Variants in KIAA1217 observed in about 807,000 individuals in gnomAD.
KIAA1217 encodes the protein sickle tail protein homolog.
A neutral mutation model predicts 163.9 loss-of-function variants in KIAA1217; 88 were observed. The observed-to-expected ratio is 0.54, with a 90% CI of 0.45 to 0.64. The LOEUF is 0.64. KIAA1217 is among the 30% of genes least tolerant of loss of function. The pLI, the probability that KIAA1217 is intolerant of heterozygous loss-of-function variation, is 0.00. For missense variants in KIAA1217, 2,372 were observed against 2,475.0 expected (o/e 0.96, Z 0.88); for synonymous variants, 903 against 923.1 (o/e 0.98, Z 0.39).
intron 2 of KIAA1217, among the ~76,000 whole-genome samples, chr10:24,087,155 G>T (rs1398416938): frequency 3.3e-5 from 5 of 152,208 alleles, no homozygotes; most frequent in African/African-American, 1.2e-4. Context: ...GTGAGATTTA[G>T]TTGGACTCAG....
intron 6 of KIAA1217, among the ~76,000 whole-genome samples, chr10:24,483,404 C>T (rs796118841): frequency 2.6e-5 from 4 of 152,138 alleles, no homozygotes; most frequent in African/African-American, 9.7e-5. Context: ...AGAGTGACCC[C>T]GTTAAAACGT....
At chr10:24,409,805 T>TC (rs1423558088) in intron 3 of KIAA1217, among the ~76,000 whole-genome samples, 3 of 152,084 alleles carry the variant, frequency 2.0e-5, no homozygotes, top group Non-Finnish European at 4.4e-5. Flanking sequence ...CTTTAAGTCC[T>TC]CATAGCTCAG....
chr10:24,363,523 T>A (rs540762406), intron 2 of KIAA1217, among the ~76,000 whole-genome samples: 2 of 151,974 alleles, frequency 1.3e-5, no homozygotes, highest in Non-Finnish European at 2.9e-5. Context: ...AGTCTTCCTG[T>A]TTTCTCAGTA....
intron 1 of KIAA1217, among the ~76,000 whole-genome samples, chr10:23,818,931 G>A (rs1320950690): frequency 2.6e-5 from 4 of 152,158 alleles, no homozygotes; most frequent in Admixed American, 1.3e-4. Flanking sequence ...AGCTCATAAT[G>A]ATCACATCTT....
intron 3 of KIAA1217, among the ~76,000 whole-genome samples, chr10:24,427,784 C>T (rs575861489): frequency 6.6e-6 from 1 of 152,344 alleles, no homozygotes; most frequent in African/African-American, 2.4e-5. Context: ...CATGCGGAAT[C>T]TCTAGAAACC....
intron 2 of KIAA1217, among the ~76,000 whole-genome samples, chr10:24,242,063 G>C (rs7897225): frequency 0.035 from 5,331 of 152,240 alleles, 244 homozygotes; most frequent in African/African-American, 0.1. Context: ...ACTGGGAAAA[G>C]GTTGAGTTAC....
intron 1 of KIAA1217, among the ~76,000 whole-genome samples, chr10:24,218,182 A>T (rs574097172): frequency 2.8e-4 from 43 of 151,060 alleles, no homozygotes; most frequent in South Asian, 4.5e-4. Flanking sequence ...TGTTTTTTTT[A>T]AAAAAGTAAC....
chr10:23,985,648 A>G (rs1845942045), intron 1 of KIAA1217, among the ~76,000 whole-genome samples: 1 of 152,200 alleles, frequency 6.6e-6, no homozygotes, highest in Non-Finnish European at 1.5e-5. Context: ...ATTAGTCGAT[A>G]TTCAATGCAT....
chr10:24,533,374 T>C (rs2135119163), intron 16 of KIAA1217, 137 bp downstream of exon 16: 2 of 805,006 alleles, frequency 2.5e-6, no homozygotes, highest in Non-Finnish European at 1.8e-6. Flanking sequence ...CTTCTGGCCT[T>C]AGCCTTTGCT....
chr10:24,544,207 T>C lies in KIAA1217; in HGVS notation c.4937T>C (p.Ile1646Thr). The C allele has an allele frequency of 6.2e-7, 1 of 1,614,030 alleles. No individual in the cohort carries two copies. Among genetic ancestry groups the C allele is most frequent in the Non-Finnish European group, 8.5e-7 (1 of 1,180,008 alleles). The stretch of plus-strand genomic sequence containing the variant: ...GTGAGGAGGCAAGAGCAGCCCAGCA[T>C]CGAGAGTACATCTCCGATTTCAAGA... Reference protein sequence around the residue: ...NTVRRQEQPSIESTSPISRTD... With the variant: ...NTVRRQEQPSTESTSPISRTD... The change falls in exon 19 of 21, where the codon ATC becomes ACC. Residue 1646 changes from isoleucine (I) to threonine (T), a missense_variant. Around this residue, in one of 3 missense-constraint regions of KIAA1217, gnomAD observed 690 missense variants for 677.5 expected, o/e 1.02. Transcript: ENST00000376454.
intron 1 of KIAA1217, among the ~76,000 whole-genome samples, chr10:24,003,165 G>A (rs1221236335): frequency 6.6e-6 from 1 of 152,002 alleles, no homozygotes; most frequent in Non-Finnish European, 1.5e-5. Context: ...ATTTTTGGTA[G>A]ATACCTAGTA....
chr10:24,071,068 A>G (rs2061169206), intron 2 of KIAA1217, among the ~76,000 whole-genome samples: 2 of 152,186 alleles, frequency 1.3e-5, no homozygotes, highest in Admixed American at 1.3e-4. Context: ...GACCAATTGA[A>G]GGGAACATTG....
chr10:23,961,075 A>C (rs1035303897), intron 1 of KIAA1217, among the ~76,000 whole-genome samples: 1 of 152,196 alleles, frequency 6.6e-6, no homozygotes, highest in Non-Finnish European at 1.5e-5. Context: ...TCCATAAAAC[A>C]CTTTAAAGGT....
At chr10:24,309,988 A>G (rs1431716175) in intron 2 of KIAA1217, among the ~76,000 whole-genome samples, 2 of 152,168 alleles carry the variant, frequency 1.3e-5, no homozygotes, top group African/African-American at 2.4e-5. Flanking sequence ...TACTTTCCCA[A>G]AGGAAAATTA....
chr10:23,995,833 G>A (rs1336328989), intron 1 of KIAA1217, among the ~76,000 whole-genome samples: 3 of 152,106 alleles, frequency 2.0e-5, no homozygotes, highest in Admixed American at 6.5e-5. Context: ...GCAAGGTTAA[G>A]CGTATGGCTG....
At chr10:24,456,964 A>T (rs1348772001) in intron 5 of KIAA1217, among the ~76,000 whole-genome samples, 2 of 151,998 alleles carry the variant, frequency 1.3e-5, no homozygotes, top group Non-Finnish European at 2.9e-5. Context: ...GGCCTCCCGA[A>T]GTGCTGGGAT....
At chr10:24,065,680 C>G (rs1402052953) in intron 2 of KIAA1217, among the ~76,000 whole-genome samples, 1 of 152,120 alleles carries the variant, frequency 6.6e-6, no homozygotes, top group African/African-American at 2.4e-5. Context: ...GAGCTGAGTT[C>G]AATTCCTGGA....
intron 8 of KIAA1217, among the ~76,000 whole-genome samples, chr10:24,497,561 T>G (rs2133860947): frequency 6.6e-6 from 1 of 151,934 alleles, no homozygotes; most frequent in Non-Finnish European, 1.5e-5. Context: ...TGCAAGACCC[T>G]GTCTCCACAA....
chr10:24,402,946 G>C (rs72776750), intron 3 of KIAA1217, among the ~76,000 whole-genome samples: 27,813 of 152,112 alleles, frequency 0.18, 3,279 homozygotes, highest in Non-Finnish European at 0.26. Flanking sequence ...GCCTGGCCAA[G>C]TGAAAAAGCA....
Sources: allele counts gnomAD v4.1 joint callset (sites outside exome capture counted in the v4.1 genomes callset), GRCh38; gene constraint gnomAD v4.1.1; regional missense constraint gnomAD v4.1.1; transcripts MANE v1.5; gene names NCBI Gene and HGNC (gene_info 2026-07-23, HGNC 2026-07-21).